STRBP: variants seen among roughly 807,000 people sequenced by gnomAD.
STRBP encodes spermatid perinuclear RNA-binding protein.
A neutral mutation model predicts 80.1 loss-of-function variants in STRBP; 13 were observed. That is an observed-to-expected ratio of 0.16 (90% confidence interval 0.11 to 0.26). The LOEUF (loss-of-function observed/expected upper bound fraction) is 0.26. Ranked by LOEUF, STRBP falls within the 10% of genes least tolerant of loss-of-function variation. STRBP has a pLI of 1.00. For missense variants in STRBP, 485 were observed against 815.2 expected (o/e 0.59, Z 4.93); for synonymous variants, 284 against 291.2 (o/e 0.98, Z 0.25).
At chr9:123,117,960 C>T (rs534697745), downstream of STRBP, among the ~76,000 whole-genome samples, 1 of 152,326 alleles carries the variant, frequency 6.6e-6, no homozygotes, top group African/African-American at 2.4e-5. Flanking sequence ...TCGTTCTTCA[C>T]AACCAATTTA....
At chr9:123,156,803 C>T (rs2037306793) in intron 11 of STRBP, among the ~76,000 whole-genome samples, 1 of 151,896 alleles carries the variant, frequency 6.6e-6, no homozygotes, top group Admixed American at 6.6e-5. Context: ...GGCAACTGCA[C>T]TATTTTTGTG....
intron 3 of STRBP, chr9:123,111,489 T>C (rs972522274): frequency 8.3e-6 from 3 of 360,470 alleles, no homozygotes; most frequent in South Asian, 6.1e-5. Context: ...TCTGACCATC[T>C]TGGTTCCCTA....
intron 2 of STRBP, among the ~76,000 whole-genome samples, chr9:123,209,371 T>A (rs2039632227): frequency 6.6e-6 from 1 of 152,206 alleles, no homozygotes; most frequent in African/African-American, 2.4e-5. Context: ...TGACTTTATG[T>A]CTTCAAGGCT....
chr9:123,190,946 T>C (rs1345183245), intron 2 of STRBP, among the ~76,000 whole-genome samples: 2 of 152,184 alleles, frequency 1.3e-5, no homozygotes. Flanking sequence ...AAAAATTCAA[T>C]GCATTTCAAC....
At chr9:123,182,616 C>A (rs1441802420) in intron 3 of STRBP, among the ~76,000 whole-genome samples, 4 of 152,196 alleles carry the variant, frequency 2.6e-5, no homozygotes, top group Non-Finnish European at 5.9e-5. Flanking sequence ...TTTGTTCCCA[C>A]AATCTAGATC....
chr9:123,267,139 TCA>T (rs142710279), intron 1 of STRBP, among the ~76,000 whole-genome samples: 17,350 of 122,702 alleles, frequency 0.14, 3,819 homozygotes, highest in African/African-American at 0.49. Flanking sequence ...GCCCTCCACC[TCA>T]CACACTCCAC....
intron 1 of STRBP, among the ~76,000 whole-genome samples, chr9:123,246,195 G>A (rs1459125638): frequency 1.3e-5 from 2 of 152,176 alleles, no homozygotes; most frequent in Non-Finnish European, 2.9e-5. Context: ...AGACAAACCA[G>A]GAGAACAAGG....
intron 1 of STRBP, among the ~76,000 whole-genome samples, chr9:123,242,628 C>A (rs2040718347): frequency 6.6e-6 from 1 of 152,102 alleles, no homozygotes; most frequent in Non-Finnish European, 1.5e-5. Flanking sequence ...CCACTGCACT[C>A]CCGCCTGGGT....
chr9:123,259,076 G>T (rs1329539736), intron 1 of STRBP, among the ~76,000 whole-genome samples: 1 of 128,760 alleles, frequency 7.8e-6, no homozygotes, highest in Admixed American at 9.2e-5. Flanking sequence ...AAAAAAAAAA[G>T]GGGGGGGGAT....
At chr9:123,237,512 T>C (rs1226587974) in intron 1 of STRBP, among the ~76,000 whole-genome samples, 1 of 152,104 alleles carries the variant, frequency 6.6e-6, no homozygotes, top group Non-Finnish European at 1.5e-5. Flanking sequence ...ATTATATTTG[T>C]ACAACTTTCA....
At position 123,128,242 on chromosome 9, in the gene STRBP, A is replaced by G. The variant is rs1371663932; in HGVS notation, c.1914T>C (p.Tyr638=). 3.7e-6 allele frequency: 6 copies of G among 1,614,098 alleles called. No individual in the cohort carries two copies. The highest frequency in any genetic ancestry group is 4.2e-6 in the Non-Finnish European group (5 of 1,180,048). Residue 638 remains tyrosine, a synonymous_variant, in exon 18 of 19, where the codon TAT becomes TAC. Transcript: ENST00000348403. ...GYIAPGYGTP[Y]GYSTAAPAYG... The stretch of plus-strand genomic sequence containing the variant: ...AGGCAGGGGCAGCTGTGCTGTAACC[A>G]TATGGTGTTCCATAGCCTAGTGCAA...
chr9:123,128,282 G>A lies in STRBP; in HGVS notation c.1898-24C>T, dbSNP rs375798148. ...GCCTAGTGCAAAGAAGAAGAAGGCAGATCAGTCCAAGACCCAGGGCAATCA... is the reference window on the plus strand; with the variant it reads ...GCCTAGTGCAAAGAAGAAGAAGGCAAATCAGTCCAAGACCCAGGGCAATCA... On this transcript the variant is annotated intron_variant, in intron 17 of 18. Transcript: ENST00000348403. The A allele has an allele frequency of 1.7e-5, 28 of 1,614,102 alleles. No individual in the cohort carries two copies. In the Middle Eastern group the frequency reaches 5.0e-4, roughly 29 times the overall value.
At chr9:123,155,455 G>C (rs1197143612) in intron 11 of STRBP, among the ~76,000 whole-genome samples, 2 of 152,108 alleles carry the variant, frequency 1.3e-5, no homozygotes, top group Admixed American at 6.6e-5. Context: ...CAACCAGTTA[G>C]AATTTTGCCA....
intron 6 of STRBP, among the ~76,000 whole-genome samples, chr9:123,167,721 T>C (rs1342969287): frequency 6.6e-6 from 1 of 151,998 alleles, no homozygotes; most frequent in Non-Finnish European, 1.5e-5. Context: ...CCTGATCCCA[T>C]ATAACAGCTG....
In STRBP at chr9:123,115,145, T is replaced by C. The variant is rs1479506285; in HGVS notation, c.*84+784A>G. 1 of 460,016 alleles carries C rather than the reference T, an allele frequency of 2.2e-6. No homozygotes were observed. The highest frequency in any genetic ancestry group is 7.0e-5 in the East Asian group (1 of 14,202). The allele number at this position is 460,016 out of a possible 1,614,324, so 28.5% of individuals were successfully genotyped here. On this transcript the variant is annotated intron_variant and NMD_transcript_variant, in intron 3 of 3. Transcript: ENST00000471564. The surrounding 1 kb of genome is among the most constrained non-coding windows in gnomAD (Gnocchi z 5.0). ...GTGTGTCCCACCTGCCACTTGACTC[T>C]GCTCATCCTCTCGGGTCCCACAGCA...
chr9:123,217,236 C>T (rs1588117106), intron 2 of STRBP, among the ~76,000 whole-genome samples: 1 of 152,026 alleles, frequency 6.6e-6, no homozygotes, highest in Non-Finnish European at 1.5e-5. Context: ...AGAAGTTGGG[C>T]TTTTTCAAAA....
intron 5 of STRBP, among the ~76,000 whole-genome samples, chr9:123,170,631 TC>T (rs915775028): frequency 6.6e-6 from 1 of 152,188 alleles, no homozygotes; most frequent in Non-Finnish European, 1.5e-5. Context: ...TCAGAGATCT[TC>T]CAATGGGACC....
rs1405806479 is a variant in STRBP, at chr9:123,122,261, C to G, written c.*3336G>C. The G allele has an allele frequency of 8.4e-7, 1 of 1,192,600 alleles. No individual in the cohort carries two copies. The allele number at this position is 1,192,600 out of a possible 1,614,324, so 73.9% of individuals were successfully genotyped here. On this transcript the variant is annotated 3_prime_UTR_variant, in exon 19 of 19. Transcript: ENST00000348403. ...CTATTTTATACAAGTGATATGGCTA[C>G]GAAGGTCCGAGGAGAACGAGAATAA...
chr9:123,128,805 C>T (rs192617398), intron 17 of STRBP, among the ~76,000 whole-genome samples: 186 of 152,270 alleles, frequency 1.2e-3, no homozygotes, highest in African/African-American at 3.8e-3. Flanking sequence ...TGAGTCAGGT[C>T]GTGAGCCCAA....
Sources: allele counts gnomAD v4.1 joint callset (sites outside exome capture counted in the v4.1 genomes callset), GRCh38; gene constraint gnomAD v4.1.1; non-coding constraint Gnocchi (gnomAD v3.1); transcripts MANE v1.5; gene names NCBI Gene and HGNC (gene_info 2026-07-23, HGNC 2026-07-21).